Variants in PAFAH2 observed in about 807,000 individuals in gnomAD.
The protein encoded by PAFAH2 is platelet-activating factor acetylhydrolase 2, cytoplasmic.
In PAFAH2, 42 loss-of-function variants were observed where a neutral mutation model predicts 49.0. The ratio of observed to expected loss-of-function variants is 0.86; its 90% confidence interval spans 0.67 to 1.11. The LOEUF is 1.11. PAFAH2 is among the 50% of genes least tolerant of loss of function. The pLI is 0.00. For missense variants in PAFAH2, 503 were observed against 501.8 expected (o/e 1.00, Z -0.02); for synonymous variants, 184 against 181.3 (o/e 1.01, Z -0.12).
intron 9 of PAFAH2, 81 bp downstream of exon 9, chr1:25,974,399 T>C: frequency 8.2e-7 from 1 of 1,216,142 alleles, no homozygotes. Context: ...TAGAAAGTTT[T>C]GGGTAATCCA....
At chr1:25,993,023 C>T (rs948439137) in intron 1 of PAFAH2, among the ~76,000 whole-genome samples, 8 of 152,232 alleles carry the variant, frequency 5.3e-5, no homozygotes, top group Admixed American at 1.3e-4. Flanking sequence ...GATGAAGATA[C>T]CCATGGTGGA....
chr1:25,976,987 T>C (rs2049599217), intron 7 of PAFAH2, among the ~76,000 whole-genome samples: 1 of 151,360 alleles, frequency 6.6e-6, no homozygotes, highest in Non-Finnish European at 1.5e-5. Context: ...TAGGCAGGAA[T>C]TGTGAGAATC....
Position 25,960,647 on chromosome 1 carries a change from G to A in PAFAH2, c.*1342C>T, listed in dbSNP as rs1462816700. On this transcript the variant is annotated 3_prime_UTR_variant, in exon 11 of 11. Transcript: ENST00000374282. ...TGTATCTGACTTAAATTTGGGGCAA[G>A]GGCCTCAGAGCCAGAAAACAGACAA... 1.3e-5 allele frequency: 2 copies of A among 152,592 alleles called. No homozygotes were observed. The highest frequency in any genetic ancestry group is 2.9e-5 in the Non-Finnish European group (2 of 68,032). The allele number at this position is 152,592 out of a possible 1,614,324, so 9.5% of individuals were successfully genotyped here.
intron 10 of PAFAH2, among the ~76,000 whole-genome samples, chr1:25,969,002 A>G (rs1351872867): frequency 1.3e-5 from 2 of 152,164 alleles, no homozygotes; most frequent in Non-Finnish European, 2.9e-5. Flanking sequence ...CCAGACTGTG[A>G]ACACAAGTCT....
At position 25,990,771 on chromosome 1, in the gene PAFAH2, G is replaced by A. The variant is rs373547307; in HGVS notation, c.46C>T (p.His16Tyr). The A allele has an allele frequency of 1.2e-5, 20 of 1,614,020 alleles. No homozygotes were observed. Among genetic ancestry groups the A allele is most frequent in the Non-Finnish European group, 1.4e-5 (16 of 1,179,930 alleles). Residue 16 changes from histidine to tyrosine, a missense_variant, in exon 2 of 11, where the codon CAC (histidine) becomes TAC (tyrosine). Coordinates refer to ENST00000374282, the MANE Select transcript of PAFAH2 (RefSeq NM_000437.4). ...SVGFPPVTGP[H>Y]LVGCGDVMEG... The stretch of plus-strand genomic sequence containing the variant: ...ATCACATCCCCACAGCCTACGAGGT[G>A]GGGTCCTGTGACAGGTGGAAAGCCC...
chr1:25,969,932 G>C (rs2049482985), intron 10 of PAFAH2, among the ~76,000 whole-genome samples: 1 of 152,168 alleles, frequency 6.6e-6, no homozygotes. Flanking sequence ...CAGGTGATAA[G>C]AATGATGCCC....
intron 10 of PAFAH2, among the ~76,000 whole-genome samples, chr1:25,968,215 C>T (rs1023907990): frequency 2.6e-5 from 4 of 151,788 alleles, no homozygotes; most frequent in Admixed American, 6.6e-5. Context: ...AAATCACTGG[C>T]GCAATCATGT....
chr1:25,988,332 C>T lies in PAFAH2; in HGVS notation c.245-5G>A, dbSNP rs773434052. 6.2e-7 allele frequency: 1 copy of T among 1,607,178 alleles called. No homozygotes were observed. The highest frequency in any genetic ancestry group is 8.5e-7 in the Non-Finnish European group (1 of 1,174,964). ...TAACAGGCAGGCGACAAGATCCTAGCAGAGACATGGGCTATAGAATATCTG... is the reference window on the plus strand; with the variant it reads ...TAACAGGCAGGCGACAAGATCCTAGTAGAGACATGGGCTATAGAATATCTG... On this transcript the variant is annotated splice_polypyrimidine_tract_variant and splice_region_variant and intron_variant, in intron 3 of 10. Transcript: ENST00000374282.
chr1:25,972,676 A>G lies in PAFAH2; in HGVS notation c.966T>C (p.Phe322=). Residue 322 remains phenylalanine (F), a synonymous_variant, in exon 10 of 11, where the codon TTT becomes TTC. Transcript: ENST00000374282. ...ATTTACCAATCAAGTTGCCAGTCAC[A>G]AAAGCAAAGTCAGTTTGACTCCGAT... ...SVHRSQTDFA[F]VTGNLIGKFF... The G allele has an allele frequency of 1.2e-6, 2 of 1,613,982 alleles. No homozygotes were observed. The highest frequency in any genetic ancestry group is 1.7e-6 in the Non-Finnish European group (2 of 1,179,870).
rs774613170 is a variant in PAFAH2, at chr1:25,976,716, C to T, written c.724G>A (p.Ala242Thr). The T allele has an allele frequency of 6.2e-7, 1 of 1,614,238 alleles. No individual in the cohort carries two copies. The highest frequency in any genetic ancestry group is 1.1e-5 in the South Asian group (1 of 91,086). ...GTCTCCTTGGCCAAAGCCAGAATAGCTGTGGCCCCTCCAAATGAATGTCCC... is the reference window on the plus strand; with the variant it reads ...GTCTCCTTGGCCAAAGCCAGAATAGTTGTGGCCCCTCCAAATGAATGTCCC... ...VMGHSFGGAT[A>T]ILALAKETQF... is the part of the protein sequence containing the mutation. Residue 242 changes from alanine to threonine, a missense_variant, in exon 8 of 11, where the codon GCT becomes ACT. By Grantham distance (58) the Ala-to-Thr change is moderately conservative. Coordinates refer to ENST00000374282, the MANE Select transcript of PAFAH2 (RefSeq NM_000437.4).
intron 10 of PAFAH2, among the ~76,000 whole-genome samples, chr1:25,963,801 A>T (rs763832314): frequency 3.7e-4 from 56 of 152,154 alleles, no homozygotes; most frequent in Non-Finnish European, 5.4e-4. Context: ...GTGCCTGGCC[A>T]GGCCAATGTT....
intron 9 of PAFAH2, among the ~76,000 whole-genome samples, chr1:25,974,108 C>A (rs144862196): frequency 1.5e-3 from 228 of 152,208 alleles, no homozygotes; most frequent in African/African-American, 5.4e-3. Flanking sequence ...TGGTGAATAT[C>A]AAAGGTCTAC....
intron 9 of PAFAH2, 22 bp from the exon 10 acceptor site, chr1:25,972,734 T>G (rs1460636418): frequency 6.2e-6 from 10 of 1,613,696 alleles, no homozygotes; most frequent in South Asian, 1.1e-5. Context: ...GAAAAACAAC[T>G]GGCAGGGGTC....
chr1:25,961,221 T>C lies in PAFAH2; in HGVS notation c.*768A>G, dbSNP rs2049334340. On this transcript the variant is annotated 3_prime_UTR_variant, in exon 11 of 11. Transcript: ENST00000374282. ...CTGTGCAAATGGCCATTTAACACTG[T>C]TGTTCTGTCATCTTCCCCATCTCAA... 1.3e-5 allele frequency: 2 copies of C among 152,222 alleles called. No homozygotes were observed. Among genetic ancestry groups the C allele is most frequent in the African/African-American group, 4.8e-5 (2 of 41,446 alleles). 9.4% of individuals were successfully genotyped at this position (152,222 alleles called of 1,614,324 possible).
At chr1:25,991,998 G>T (rs1236006670) in intron 1 of PAFAH2, among the ~76,000 whole-genome samples, 1 of 152,200 alleles carries the variant, frequency 6.6e-6, no homozygotes, top group Admixed American at 6.5e-5. Context: ...ACCCATCTCT[G>T]CCTAATCCGG....
chr1:25,960,415 TAAG>T lies in PAFAH2; in HGVS notation c.*1571_*1573del, dbSNP rs1304225769. 6.6e-6 allele frequency: 1 copy of T among 152,650 alleles called. No homozygotes were observed. Among genetic ancestry groups the T allele is most frequent in the Non-Finnish European group, 1.5e-5 (1 of 68,036 alleles). The allele number at this position is 152,650 out of a possible 1,614,324, so 9.5% of individuals were successfully genotyped here. On this transcript the variant is annotated 3_prime_UTR_variant, in exon 11 of 11. Coordinates refer to ENST00000374282, the MANE Select transcript of PAFAH2 (RefSeq NM_000437.4). Reference sequence around the variant, plus strand: ...CCCAAATAGCTTTGAACTGGATCCCTAAGAAGACTTCCTTCCTTTTAAAGTTTT... The same window carrying T: ...CCCAAATAGCTTTGAACTGGATCCCTAAGACTTCCTTCCTTTTAAAGTTTT...
chr1:25,970,071 A>C (rs992098543), intron 10 of PAFAH2, among the ~76,000 whole-genome samples: 1 of 152,230 alleles, frequency 6.6e-6, no homozygotes, highest in Non-Finnish European at 1.5e-5. Context: ...TAAATGCGTA[A>C]GACAGATGTG....
intron 2 of PAFAH2, 30 bp from the exon 3 acceptor site, chr1:25,989,631 A>G: frequency 6.9e-7 from 1 of 1,458,558 alleles, no homozygotes; most frequent in Non-Finnish European, 9.1e-7. Flanking sequence ...AGCTGCTCAG[A>G]GCAAGGAGCC....
intron 8 of PAFAH2, among the ~76,000 whole-genome samples, chr1:25,975,581 A>G (rs989392218): frequency 6.6e-6 from 1 of 152,076 alleles, no homozygotes; most frequent in Admixed American, 6.6e-5. Flanking sequence ...TCTCAGAGGG[A>G]AAAAAATAAG....
Sources: gnomAD v4.1 joint callset for allele counts (sites outside exome capture counted in the v4.1 genomes callset) on GRCh38, gnomAD v4.1.1 for gene constraint, MANE v1.5 for transcripts, NCBI Gene and HGNC (gene_info 2026-07-23, HGNC 2026-07-21) for gene names.